ZDHHC14: variants seen among roughly 807,000 people sequenced by gnomAD.
ZDHHC14 encodes zDHHC palmitoyltransferase 14.
In ZDHHC14, 16 loss-of-function variants were observed where a neutral mutation model predicts 47.7. The observed-to-expected ratio is 0.34, with a 90% CI of 0.23 to 0.51. The LOEUF is 0.51. Among genes scored for constraint, ZDHHC14 ranks in the 20% least tolerant of loss-of-function variants. ZDHHC14 has a pLI of 0.97. For synonymous variants in ZDHHC14, 293 were observed against 278.9 expected, an observed-to-expected ratio of 1.05 and a Z score of -0.50; for missense variants, 515 against 662.5, an observed-to-expected ratio of 0.78 and a Z score of 2.44.
At chr6:157,526,095 G>A in intron 1 of ZDHHC14, among the ~76,000 whole-genome samples, 1 of 152,192 alleles carries the variant, frequency 6.6e-6, no homozygotes, top group East Asian at 1.9e-4. Flanking sequence ...AAACAGCAGG[G>A]AAGTGTGAAG....
chr6:157,489,043 G>A (rs1371334254), intron 1 of ZDHHC14, among the ~76,000 whole-genome samples: 1 of 152,198 alleles, frequency 6.6e-6, no homozygotes, highest in African/African-American at 2.4e-5. Context: ...CGGCTTTATG[G>A]TGTTTTGTAC....
chr6:157,596,885 A>G (rs144759960), intron 3 of ZDHHC14, among the ~76,000 whole-genome samples: 2 of 152,308 alleles, frequency 1.3e-5, no homozygotes, highest in East Asian at 3.9e-4. Flanking sequence ...CAAGTAACTG[A>G]TTACAACAAG....
intron 4 of ZDHHC14, 94 bp downstream of exon 4, chr6:157,628,580 G>T: frequency 1.3e-6 from 2 of 1,502,058 alleles, no homozygotes; most frequent in African/African-American, 1.4e-5. Flanking sequence ...GGTCATTTCG[G>T]GCTTTCTCTT....
In ZDHHC14 at chr6:157,648,650, G is replaced by A. The variant is rs1013375682; in HGVS notation, c.965+1282G>A. 7.9e-5 allele frequency among the ~76,000 whole-genome samples: 12 copies of A among 152,198 alleles called. 1 individual carries two copies. The highest frequency in any genetic ancestry group is 2.4e-4 in the African/African-American group (10 of 41,450). ...CCTCAGAGGCTTAGAAAGGGCAGGCGAGGATCCTGGGTTAGAGGAGCTGCT... is the reference window on the plus strand; with the variant it reads ...CCTCAGAGGCTTAGAAAGGGCAGGCAAGGATCCTGGGTTAGAGGAGCTGCT... On this transcript the variant is annotated intron_variant, in intron 7 of 8. Transcript: ENST00000359775.
intron 1 of ZDHHC14, among the ~76,000 whole-genome samples, chr6:157,442,955 T>A (rs1248127392): frequency 7.9e-5 from 12 of 152,188 alleles, no homozygotes; most frequent in Non-Finnish European, 8.8e-5. Flanking sequence ...TTGAAGCCAA[T>A]CAAGTAACTG....
intron 1 of ZDHHC14, among the ~76,000 whole-genome samples, chr6:157,468,793 T>G (rs1779284670): frequency 6.6e-6 from 1 of 152,210 alleles, no homozygotes; most frequent in Non-Finnish European, 1.5e-5. Context: ...GCCAAGCACA[T>G]TCTTACTGTT....
chr6:157,472,629 T>C (rs925621139), intron 1 of ZDHHC14, among the ~76,000 whole-genome samples: 2 of 152,186 alleles, frequency 1.3e-5, no homozygotes, highest in African/African-American at 4.8e-5. Context: ...CCTTTCCTTA[T>C]TCTTGCCCCT....
At chr6:157,414,478 A>T (rs1392540885) in intron 1 of ZDHHC14, among the ~76,000 whole-genome samples, 2 of 152,182 alleles carry the variant, frequency 1.3e-5, no homozygotes, top group African/African-American at 4.8e-5. Flanking sequence ...GCATTGGCTC[A>T]TGCTGTGCTT....
intron 8 of ZDHHC14, among the ~76,000 whole-genome samples, chr6:157,667,625 A>G (rs567589736): frequency 6.6e-6 from 1 of 151,990 alleles, no homozygotes; most frequent in East Asian, 1.9e-4. Context: ...TTTAAAAAAA[A>G]AAAAAGGGAA....
intron 8 of ZDHHC14, among the ~76,000 whole-genome samples, chr6:157,662,424 C>T (rs571568676): frequency 4.6e-5 from 7 of 152,330 alleles, no homozygotes; most frequent in African/African-American, 1.2e-4. Context: ...TCAAGTAATC[C>T]GCTCGCCCTG....
intron 3 of ZDHHC14, among the ~76,000 whole-genome samples, chr6:157,594,118 G>A (rs528600092): frequency 1.3e-5 from 2 of 152,212 alleles, no homozygotes; most frequent in Non-Finnish European, 2.9e-5. Flanking sequence ...AGCACTCTTC[G>A]TGAGTCTTAG....
intron 2 of ZDHHC14, among the ~76,000 whole-genome samples, chr6:157,590,832 G>A (rs531625231): frequency 5.5e-4 from 84 of 152,386 alleles, no homozygotes; most frequent in African/African-American, 1.1e-3. Context: ...AACTCCAGCC[G>A]TGAAAGCAGT....
At chr6:157,577,982 C>A (rs767213359) in intron 2 of ZDHHC14, among the ~76,000 whole-genome samples, 3 of 152,116 alleles carry the variant, frequency 2.0e-5, no homozygotes, top group Non-Finnish European at 4.4e-5. Flanking sequence ...TTGTTAACCA[C>A]ATGTATATCT....
intron 1 of ZDHHC14, among the ~76,000 whole-genome samples, chr6:157,495,351 C>T (rs1780034819): frequency 6.6e-6 from 1 of 152,094 alleles, no homozygotes; most frequent in Non-Finnish European, 1.5e-5. Context: ...TTCTGCTGTA[C>T]GTGCACTGGG....
At chr6:157,634,991 T>C (rs1463016372) in intron 5 of ZDHHC14, among the ~76,000 whole-genome samples, 1 of 150,652 alleles carries the variant, frequency 6.6e-6, no homozygotes, top group East Asian at 1.9e-4. Context: ...TGCTACCTGG[T>C]CTTTTTTTTT....
rs376611681 is a variant in ZDHHC14 at position 157,639,205 on chromosome 6, T to G, written c.752+6323T>G. On this transcript the variant is annotated intron_variant, in intron 5 of 8. Transcript: ENST00000359775. ...GGGGTGGGGGCAGGCTTGACAATGT[T>G]GAAGACTAAGGGGGTGAGGTCCCTT... 8.3e-4 allele frequency among the ~76,000 whole-genome samples: 126 copies of G among 152,336 alleles called. 2 individuals are homozygous for G. In the South Asian group the frequency reaches 0.025, roughly 31 times the overall value.
At chr6:157,637,174 C>T (rs1400771793) in intron 5 of ZDHHC14, among the ~76,000 whole-genome samples, 3 of 152,122 alleles carry the variant, frequency 2.0e-5, no homozygotes, top group Non-Finnish European at 2.9e-5. Flanking sequence ...ATTTTTGGTG[C>T]CTGTCTTTCC....
intron 3 of ZDHHC14, among the ~76,000 whole-genome samples, chr6:157,620,982 T>G (rs1785166349): frequency 6.6e-6 from 1 of 152,206 alleles, no homozygotes; most frequent in Admixed American, 6.5e-5. Flanking sequence ...CTTAGCACAG[T>G]GCCCAACACA....
chr6:157,632,734 C>T, intron 4 of ZDHHC14, 100 bp from the exon 5 acceptor site: 2 of 1,135,012 alleles, frequency 1.8e-6, no homozygotes, highest in South Asian at 2.5e-5. Flanking sequence ...AGAATTATTT[C>T]ATTGATCTTT....
Sources: gnomAD v4.1 joint callset for allele counts (sites outside exome capture counted in the v4.1 genomes callset) on GRCh38, gnomAD v4.1.1 for gene constraint, MANE v1.5 for transcripts, NCBI Gene and HGNC (gene_info 2026-07-23, HGNC 2026-07-21) for gene names.